CNTLN: variants seen among roughly 807,000 people sequenced by gnomAD.
CNTLN encodes centlein, also known as centlein, centrosomal protein.
Under a neutral mutation model 180.0 loss-of-function variants are expected in CNTLN, and 212 were observed. That is an observed-to-expected ratio of 1.18 (90% CI 1.05 to 1.32). The LOEUF (loss-of-function observed/expected upper bound fraction) is 1.32, where lower values mean the gene tolerates loss of function less well. Ranked by LOEUF, CNTLN falls within the 40% of genes most tolerant of loss-of-function variation. The probability of loss-of-function intolerance (pLI) is 0.00; values close to 1 mark genes in which losing one functional copy is unlikely to be tolerated. For missense variants in CNTLN, 2,095 were observed against 1,610.9 expected (o/e 1.30, Z -5.14); for synonymous variants, 722 against 563.1 (o/e 1.28, Z -3.99).
At chr9:17,296,417 AAT>A (rs1817942055) in intron 6 of CNTLN, among the ~76,000 whole-genome samples, 1 of 152,104 alleles carries the variant, frequency 6.6e-6, no homozygotes, top group Admixed American at 6.5e-5. Context: ...AGAAATACCA[AAT>A]GTCTTCTAAC....
intron 5 of CNTLN, among the ~76,000 whole-genome samples, chr9:17,272,126 C>T (rs2132501942): frequency 8.5e-6 from 1 of 117,892 alleles, no homozygotes; most frequent in African/African-American, 3.1e-5. Flanking sequence ...TCCTTCCTTT[C>T]TTTCCTTTGG....
chr9:17,494,433 C>T (rs112729701), intron 25 of CNTLN, among the ~76,000 whole-genome samples: 1,971 of 152,042 alleles, frequency 0.013, 30 homozygotes, highest in African/African-American at 0.045. Context: ...AAACTCATGT[C>T]GTGGGGGTTT....
chr9:17,211,649 A>G lies in CNTLN; in HGVS notation c.450-14554A>G, dbSNP rs532265193. On this transcript the variant is annotated intron_variant, in intron 2 of 25. Coordinates refer to ENST00000380647, the MANE Select transcript of CNTLN (RefSeq NM_017738.4). ...GAATCTATAAATTACCTTGGGCAGT[A>G]TGGCCATTTTCACAATATTGATTCT... Among the ~76,000 whole-genome samples, 221 of 152,256 alleles carry G rather than the reference A, an allele frequency of 1.5e-3. 1 individual carries two copies. Among genetic ancestry groups the G allele is most frequent in the African/African-American group, 5.0e-3 (207 of 41,552 alleles).
chr9:17,167,756 G>C (rs1371216240), intron 2 of CNTLN: 1 of 152,072 alleles, frequency 6.6e-6, no homozygotes, highest in Non-Finnish European at 1.5e-5. Context: ...ATATATGAAA[G>C]GAAGTGTCAT....
chr9:17,351,310 TC>T (rs1171389187), intron 12 of CNTLN, among the ~76,000 whole-genome samples: 10 of 152,366 alleles, frequency 6.6e-5, no homozygotes, highest in Non-Finnish European at 1.5e-4. Flanking sequence ...ATGATTTTAG[TC>T]ATTTCTTGCC....
intron 13 of CNTLN, among the ~76,000 whole-genome samples, chr9:17,378,588 A>G (rs896707878): frequency 6.6e-6 from 1 of 151,722 alleles, no homozygotes; most frequent in Non-Finnish European, 1.5e-5. Context: ...TTATTTTTGG[A>G]TGTTTTATTA....
intron 10 of CNTLN, among the ~76,000 whole-genome samples, chr9:17,333,739 C>CCAAAA (rs1385393606): frequency 1.8e-5 from 2 of 110,048 alleles, no homozygotes; most frequent in African/African-American, 5.4e-5. Flanking sequence ...TGTGTTTCTA[C>CCAAAA]CAAAAATAAC....
chr9:17,494,754 G>A (rs931391488), intron 25 of CNTLN, among the ~76,000 whole-genome samples: 10 of 151,940 alleles, frequency 6.6e-5, no homozygotes, highest in African/African-American at 2.4e-4. Context: ...TAATGCTGGT[G>A]TAAACAAACC....
At chr9:17,297,258 A>C (rs1474561846) in intron 6 of CNTLN, among the ~76,000 whole-genome samples, 4 of 152,310 alleles carry the variant, frequency 2.6e-5, no homozygotes, top group Admixed American at 2.0e-4. Flanking sequence ...AAGTATTTGG[A>C]TGTGCATAGA....
chr9:17,465,223 A>G (rs899733654), intron 21 of CNTLN, among the ~76,000 whole-genome samples: 7 of 149,110 alleles, frequency 4.7e-5, no homozygotes, highest in African/African-American at 1.5e-4. Flanking sequence ...CATCTCCTTT[A>G]CTTTCCTTGT....
chr9:17,231,544 A>G (rs966825909), intron 3 of CNTLN, among the ~76,000 whole-genome samples: 1 of 152,126 alleles, frequency 6.6e-6, no homozygotes, highest in African/African-American at 2.4e-5. Flanking sequence ...GTATTTAATT[A>G]GATGATAATT....
intron 23 of CNTLN, among the ~76,000 whole-genome samples, chr9:17,477,846 G>T (rs1436935409): frequency 1.3e-5 from 2 of 152,140 alleles, no homozygotes; most frequent in South Asian, 4.1e-4. Context: ...GCAGTGGCAG[G>T]GTTTGAGAGG....
chr9:17,184,833 G>A (rs1324550229), intron 2 of CNTLN, among the ~76,000 whole-genome samples: 1 of 152,152 alleles, frequency 6.6e-6, no homozygotes, highest in Admixed American at 6.5e-5. Flanking sequence ...GATCACTTAG[G>A]CAAAAATTTG....
intron 12 of CNTLN, among the ~76,000 whole-genome samples, chr9:17,363,312 T>C (rs191349288): frequency 6.6e-6 from 1 of 152,326 alleles, no homozygotes; most frequent in East Asian, 1.9e-4. Flanking sequence ...TCTTCCACAA[T>C]GGTTGAACTA....
intron 6 of CNTLN, 112 bp downstream of exon 6, chr9:17,273,978 GT>G: frequency 1.2e-6 from 1 of 856,248 alleles, no homozygotes; most frequent in Non-Finnish European, 1.7e-6. Context: ...GTTTTCTGTG[GT>G]TATATATGTT....
chr9:17,524,953 C>G, the CNTLN span, among the ~76,000 whole-genome samples: 1 of 152,168 alleles, frequency 6.6e-6, no homozygotes, highest in African/African-American at 2.4e-5. Flanking sequence ...TAAACAATTT[C>G]ACAGAATATC....
Position 17,502,691 on chromosome 9 carries a change from T to G in CNTLN, c.*39T>G. ...AGCTTTATTGCAAATGTGAAAACTTTTTATGTGGTGTGATTGGAATACATG... is the reference window on the plus strand; with the variant it reads ...AGCTTTATTGCAAATGTGAAAACTTGTTATGTGGTGTGATTGGAATACATG... On this transcript the variant is annotated 3_prime_UTR_variant, in exon 26 of 26. Coordinates refer to ENST00000380647, the MANE Select transcript of CNTLN (RefSeq NM_017738.4). 1.3e-6 allele frequency: 1 copy of G among 792,336 alleles called. No homozygotes were observed. Among genetic ancestry groups the G allele is most frequent in the Non-Finnish European group, 2.0e-6 (1 of 511,922 alleles). The allele number at this position is 792,336 out of a possible 1,614,324, so 49.1% of individuals were successfully genotyped here.
At chr9:17,160,827 A>G (rs1203801334) in intron 2 of CNTLN, among the ~76,000 whole-genome samples, 1 of 152,184 alleles carries the variant, frequency 6.6e-6, no homozygotes, top group Non-Finnish European at 1.5e-5. Context: ...AAGTAACCTG[A>G]CTGTGAGATT....
At chr9:17,270,849 C>G (rs10962989) in intron 5 of CNTLN, among the ~76,000 whole-genome samples, 1 of 151,302 alleles carries the variant, frequency 6.6e-6, no homozygotes, top group Non-Finnish European at 1.5e-5. Flanking sequence ...GTAATATAGT[C>G]GCATGGCTCA....
Sources: gnomAD v4.1 joint callset for allele counts (sites outside exome capture counted in the v4.1 genomes callset) on GRCh38, gnomAD v4.1.1 for gene constraint, MANE v1.5 for transcripts, NCBI Gene and HGNC (gene_info 2026-07-23, HGNC 2026-07-21) for gene names.